SOX5: variants seen among roughly 807,000 people sequenced by gnomAD.
The protein encoded by SOX5 is SRY-box transcription factor 5.
A neutral mutation model predicts 92.0 loss-of-function variants in SOX5; 9 were observed. That is an observed-to-expected ratio of 0.10 (90% confidence interval 0.06 to 0.17). SOX5 has a LOEUF of 0.17. Among genes scored for constraint, SOX5 ranks in the 10% least tolerant of loss-of-function variants. SOX5 has a pLI of 1.00. For missense variants in SOX5, 642 were observed against 944.5 expected (o/e 0.68, Z 4.20); for synonymous variants, 344 against 336.3 (o/e 1.02, Z -0.25).
intron 4 of SOX5, among the ~76,000 whole-genome samples, chr12:23,997,193 T>A (rs1335217960): frequency 1.3e-5 from 2 of 152,180 alleles, no homozygotes; most frequent in Non-Finnish European, 2.9e-5. Flanking sequence ...TGGCATTGCA[T>A]CCTTGAGCAG....
intron 1 of SOX5, among the ~76,000 whole-genome samples, chr12:24,514,692 G>A (rs1044901058): frequency 1.3e-5 from 2 of 152,184 alleles, no homozygotes; most frequent in Non-Finnish European, 2.9e-5. Context: ...AGAAAATGTG[G>A]TACATATACA....
intron 9 of SOX5, among the ~76,000 whole-genome samples, chr12:23,594,900 C>T (rs761095090): frequency 2.2e-4 from 34 of 152,224 alleles, no homozygotes; most frequent in Middle Eastern, 3.4e-3. Flanking sequence ...TTACAGGTGT[C>T]CTCCTTTTCA....
At chr12:24,212,393 T>C in intron 4 of SOX5, 1 of 533,494 alleles carries the variant, frequency 1.9e-6, no homozygotes. Flanking sequence ...TTTATCTCTC[T>C]GTATAATGAA....
At chr12:23,660,509 T>C (rs1268837987) in intron 7 of SOX5, among the ~76,000 whole-genome samples, 1 of 152,182 alleles carries the variant, frequency 6.6e-6, no homozygotes, top group African/African-American at 2.4e-5. Context: ...TGAGATTGCA[T>C]TAATTAAATC....
chr12:23,806,962 T>C (rs1273900257), intron 3 of SOX5, among the ~76,000 whole-genome samples: 1 of 152,208 alleles, frequency 6.6e-6, no homozygotes, highest in African/African-American at 2.4e-5. Context: ...TTCAGCATGA[T>C]TTCTAACCTT....
intron 4 of SOX5, among the ~76,000 whole-genome samples, chr12:24,173,976 C>G (rs1415272384): frequency 6.6e-6 from 1 of 151,576 alleles, no homozygotes; most frequent in African/African-American, 2.4e-5. Context: ...ACCCAGAAAT[C>G]TAAGGGTGCT....
chr12:23,704,181 G>C (rs141671156), intron 6 of SOX5, among the ~76,000 whole-genome samples: 211 of 151,886 alleles, frequency 1.4e-3, no homozygotes, highest in African/African-American at 4.9e-3. Context: ...GCTTGTGTGT[G>C]TGTGTAAAGT....
chr12:23,639,526 C>CA (rs1189871462), intron 8 of SOX5, among the ~76,000 whole-genome samples: 1 of 152,210 alleles, frequency 6.6e-6, no homozygotes, highest in Non-Finnish European at 1.5e-5. Flanking sequence ...TTACCTATTA[C>CA]AATCACTTTT....
At chr12:24,129,455 G>C (rs570319219) in intron 4 of SOX5, among the ~76,000 whole-genome samples, 2 of 152,064 alleles carry the variant, frequency 1.3e-5, no homozygotes, top group African/African-American at 4.8e-5. Context: ...CATACTTTTG[G>C]GAGTACACGT....
intron 6 of SOX5, among the ~76,000 whole-genome samples, chr12:23,681,563 T>C (rs2139814919): frequency 6.6e-6 from 1 of 151,704 alleles, no homozygotes; most frequent in African/African-American, 2.4e-5. Flanking sequence ...ATCAGGCAAA[T>C]ATTAACCAAA....
chr12:24,258,791 C>T (rs1304037215), intron 3 of SOX5, among the ~76,000 whole-genome samples: 1 of 152,196 alleles, frequency 6.6e-6, no homozygotes, highest in Non-Finnish European at 1.5e-5. Context: ...GATATGTACT[C>T]TATGTACTTT....
intron 4 of SOX5, among the ~76,000 whole-genome samples, chr12:24,188,307 T>C (rs1341701308): frequency 6.6e-6 from 1 of 152,202 alleles, no homozygotes; most frequent in Non-Finnish European, 1.5e-5. Flanking sequence ...GCATAATCAA[T>C]TTCTGAAATA....
chr12:23,609,834 C>T (rs959935442), intron 8 of SOX5, among the ~76,000 whole-genome samples: 2 of 152,074 alleles, frequency 1.3e-5, no homozygotes, highest in Admixed American at 1.3e-4. Context: ...AGTTCTCCAC[C>T]ACCACCAACA....
chr12:24,197,311 T>C (rs527784472), intron 4 of SOX5, among the ~76,000 whole-genome samples: 30 of 152,282 alleles, frequency 2.0e-4, no homozygotes, highest in South Asian at 8.3e-4. Flanking sequence ...TCAAGAGATA[T>C]ATGATGTGGG....
At chr12:23,843,916 C>A (rs1328486708) in intron 3 of SOX5, among the ~76,000 whole-genome samples, 1 of 152,102 alleles carries the variant, frequency 6.6e-6, no homozygotes, top group African/African-American at 2.4e-5. Context: ...CACACTCATA[C>A]TATAATTCTA....
intron 4 of SOX5, among the ~76,000 whole-genome samples, chr12:24,149,407 A>C (rs1951437522): frequency 6.6e-6 from 1 of 152,222 alleles, no homozygotes; most frequent in South Asian, 2.1e-4. Flanking sequence ...TTGTACAGAC[A>C]TTTCACTAAA....
intron 4 of SOX5, among the ~76,000 whole-genome samples, chr12:24,014,215 T>G (rs1409541537): frequency 6.6e-6 from 1 of 152,224 alleles, no homozygotes; most frequent in Non-Finnish European, 1.5e-5. Flanking sequence ...ACTCTATGAC[T>G]GGAAAGCTCA....
At chr12:23,764,023 G>C (rs2094637538) in intron 3 of SOX5, among the ~76,000 whole-genome samples, 1 of 152,004 alleles carries the variant, frequency 6.6e-6, no homozygotes, top group African/African-American at 2.4e-5. Flanking sequence ...CATGTGGGTG[G>C]GGAGATGTGA....
At chr12:23,650,114 T>G (rs1344778388) in intron 7 of SOX5, among the ~76,000 whole-genome samples, 1 of 152,050 alleles carries the variant, frequency 6.6e-6, no homozygotes, top group Non-Finnish European at 1.5e-5. Context: ...ACACATACAA[T>G]CCCTGTCCCA....
Sources: gnomAD v4.1 joint callset for allele counts (sites outside exome capture counted in the v4.1 genomes callset) on GRCh38, gnomAD v4.1.1 for gene constraint, MANE v1.5 for transcripts, NCBI Gene and HGNC (gene_info 2026-07-23, HGNC 2026-07-21) for gene names.